Variants in JAK2 observed in about 807,000 individuals in gnomAD.
The protein encoded by JAK2 is tyrosine-protein kinase JAK2.
A neutral mutation model predicts 139.3 loss-of-function variants in JAK2; 86 were observed. That is an observed-to-expected ratio of 0.62 (90% CI 0.52 to 0.74). The LOEUF is 0.74. Ranked by LOEUF, JAK2 falls within the 30% of genes least tolerant of loss-of-function variation. JAK2 has a pLI of 0.00. For missense variants in JAK2, 1,421 were observed against 1,360.3 expected, an observed-to-expected ratio of 1.04 and a Z score of -0.70; for synonymous variants, 490 against 437.7, an observed-to-expected ratio of 1.12 and a Z score of -1.49.
intron 20 of JAK2, among the ~76,000 whole-genome samples, chr9:5,090,171 A>G (rs933097931): frequency 3.3e-5 from 5 of 152,336 alleles, no homozygotes; most frequent in East Asian, 1.9e-4. Flanking sequence ...TTCGATATCA[A>G]TGAGGAGAAA....
chr9:5,025,686 C>A (rs970334138), intron 3 of JAK2, among the ~76,000 whole-genome samples: 12 of 152,010 alleles, frequency 7.9e-5, no homozygotes, highest in African/African-American at 2.9e-4. Flanking sequence ...GCACCCACCA[C>A]CACACCCAGC....
chr9:5,027,089 G>C (rs528510238), intron 3 of JAK2, among the ~76,000 whole-genome samples: 6 of 152,248 alleles, frequency 3.9e-5, no homozygotes, highest in African/African-American at 1.2e-4. Flanking sequence ...CTCCAGTTCA[G>C]GGAAACTTGA....
intron 4 of JAK2, among the ~76,000 whole-genome samples, chr9:5,035,944 C>G (rs1418955031): frequency 6.6e-6 from 1 of 152,124 alleles, no homozygotes; most frequent in Non-Finnish European, 1.5e-5. Flanking sequence ...TCAAATTGTC[C>G]CTGTTTGCAG....
chr9:5,033,278 C>T (rs1823307353), intron 4 of JAK2, among the ~76,000 whole-genome samples: 1 of 151,606 alleles, frequency 6.6e-6, no homozygotes, highest in African/African-American at 2.4e-5. Flanking sequence ...CATTGGTGTA[C>T]CTGATGGGGA....
At chr9:5,073,369 C>G (rs945354968) in intron 13 of JAK2, among the ~76,000 whole-genome samples, 1 of 152,196 alleles carries the variant, frequency 6.6e-6, no homozygotes, top group Non-Finnish European at 1.5e-5. Context: ...TTTCCTATAT[C>G]TATCTCTGAC....
chr9:5,121,958 A>G, intron 22 of JAK2, among the ~76,000 whole-genome samples: 1 of 152,148 alleles, frequency 6.6e-6, no homozygotes, highest in Non-Finnish European at 1.5e-5. Context: ...TAAAACTAAC[A>G]TACATTTGAT....
chr9:5,037,337 C>T (rs1816125567), intron 4 of JAK2, among the ~76,000 whole-genome samples: 2 of 152,118 alleles, frequency 1.3e-5, no homozygotes, highest in South Asian at 4.1e-4. Flanking sequence ...TACCATTTGA[C>T]CCAGCCATCC....
chr9:5,035,299 GA>G (rs1823496492), intron 4 of JAK2, among the ~76,000 whole-genome samples: 1 of 152,194 alleles, frequency 6.6e-6, no homozygotes, highest in South Asian at 2.1e-4. Context: ...AATTCTACCA[GA>G]GGTGCAAAGA....
intron 22 of JAK2, chr9:5,112,467 G>T (rs918395977): frequency 9.1e-6 from 5 of 548,226 alleles, no homozygotes; most frequent in Non-Finnish European, 1.7e-5. Context: ...AGGACCCCCG[G>T]GACCGGACCA....
chr9:5,050,231 G>A (rs1817317904), intron 5 of JAK2, among the ~76,000 whole-genome samples: 1 of 152,166 alleles, frequency 6.6e-6, no homozygotes. Flanking sequence ...ATTTGCAAAT[G>A]AACTTTTATT....
intron 2 of JAK2, among the ~76,000 whole-genome samples, chr9:5,021,369 G>C (rs1822418498): frequency 6.6e-6 from 1 of 152,128 alleles, no homozygotes; most frequent in East Asian, 1.9e-4. Context: ...TTCTTCTGTT[G>C]TCTGTAACTG....
chr9:5,110,848 GACGC>G, intron 22 of JAK2: 1 of 471,530 alleles, frequency 2.1e-6, no homozygotes, highest in Non-Finnish European at 4.1e-6. Flanking sequence ...AGGTGGGGGG[GACGC>G]TTCATGCCGC....
intron 2 of JAK2, among the ~76,000 whole-genome samples, chr9:5,014,216 C>G (rs1268525890): frequency 7.1e-6 from 1 of 141,768 alleles, no homozygotes; most frequent in African/African-American, 2.7e-5. Flanking sequence ...GTTGCCCAGG[C>G]TGGACTTGAA....
chr9:4,988,500 C>T (rs923630272), intron 2 of JAK2, among the ~76,000 whole-genome samples: 2 of 152,108 alleles, frequency 1.3e-5, no homozygotes, highest in South Asian at 2.1e-4. Context: ...TTTCTTTTGG[C>T]CTGGGGGTGT....
chr9:5,087,765 C>T (rs1019235753), intron 19 of JAK2, among the ~76,000 whole-genome samples: 2 of 151,382 alleles, frequency 1.3e-5, no homozygotes, highest in East Asian at 3.9e-4. Flanking sequence ...TATCAAGTCC[C>T]TTTGAAATGT....
chr9:5,057,048 G>A (rs1367409667), intron 8 of JAK2, among the ~76,000 whole-genome samples: 1 of 152,086 alleles, frequency 6.6e-6, no homozygotes, highest in African/African-American at 2.4e-5. Context: ...GGGAAGAGTT[G>A]ACATTTCTTT....
At chr9:5,035,443 T>A (rs947296670) in intron 4 of JAK2, among the ~76,000 whole-genome samples, 5 of 152,196 alleles carry the variant, frequency 3.3e-5, no homozygotes, top group African/African-American at 1.2e-4. Flanking sequence ...AGGAGAATTT[T>A]ATACCAATAT....
chr9:4,994,450 G>T (rs1285598226), intron 2 of JAK2, among the ~76,000 whole-genome samples: 2 of 152,210 alleles, frequency 1.3e-5, no homozygotes, highest in Admixed American at 6.5e-5. Context: ...ATTTGCATCT[G>T]TGAGTTCCCA....
chr9:5,072,110 G>C (rs963116957), intron 12 of JAK2, among the ~76,000 whole-genome samples: 3 of 152,188 alleles, frequency 2.0e-5, no homozygotes, highest in Non-Finnish European at 2.9e-5. Context: ...GGTAATAAGA[G>C]AAAGTCAGAT....
Sources: allele counts gnomAD v4.1 joint callset (sites outside exome capture counted in the v4.1 genomes callset), GRCh38; gene constraint gnomAD v4.1.1; transcripts MANE v1.5; gene names NCBI Gene and HGNC (gene_info 2026-07-23, HGNC 2026-07-21).